The following TCF7L2 variants were observed in gnomAD, a reference collection of about 807,000 sequenced individuals.
TCF7L2 encodes the protein transcription factor 7 like 2.
In TCF7L2, 23 loss-of-function variants were observed where a neutral mutation model predicts 77.9. The observed-to-expected ratio is 0.30, with a 90% CI of 0.21 to 0.42. The LOEUF (loss-of-function observed/expected upper bound fraction) is 0.42, where lower values mean the gene tolerates loss of function less well. Ranked by LOEUF, TCF7L2 falls within the 10% of genes least tolerant of loss-of-function variation. TCF7L2 has a pLI of 1.00. For missense variants in TCF7L2, 654 were observed against 793.1 expected, an observed-to-expected ratio of 0.82 and a Z score of 2.11; for synonymous variants, 413 against 340.2, an observed-to-expected ratio of 1.21 and a Z score of -2.36.
chr10:113,020,203 T>C (rs149782739), intron 4 of TCF7L2, among the ~76,000 whole-genome samples: 3 of 152,210 alleles, frequency 2.0e-5, no homozygotes, highest in African/African-American at 7.2e-5. Context: ...CTTAGGGTCC[T>C]TGTTGTCCAG....
chr10:112,958,717 G>T (rs2034316238), intron 3 of TCF7L2, among the ~76,000 whole-genome samples: 1 of 152,120 alleles, frequency 6.6e-6, no homozygotes, highest in Non-Finnish European at 1.5e-5. Flanking sequence ...AAATTGAGAG[G>T]ATTTGTGTGG....
chr10:113,101,964 C>T (rs770816042), intron 5 of TCF7L2, among the ~76,000 whole-genome samples: 18 of 150,628 alleles, frequency 1.2e-4, no homozygotes, highest in Non-Finnish European at 2.4e-4. Context: ...CATAGTGAAA[C>T]CCCATCTCTA....
intron 5 of TCF7L2, among the ~76,000 whole-genome samples, chr10:113,098,049 CAAAAAAAAAAAAA>C (rs34632183): frequency 1.3e-4 from 8 of 59,372 alleles, no homozygotes; most frequent in East Asian, 5.7e-4. Flanking sequence ...GACTCTGTCT[CAAAAAAAAAAAAA>C]AAAAAAAAAA....
At chr10:113,100,406 C>T (rs564958150) in intron 5 of TCF7L2, among the ~76,000 whole-genome samples, 7 of 152,274 alleles carry the variant, frequency 4.6e-5, no homozygotes, top group Admixed American at 3.3e-4. Flanking sequence ...ATCAGCTCTG[C>T]TCTGAATGTG....
chr10:113,146,548 C>T lies in TCF7L2; in HGVS notation c.875+451C>T, dbSNP rs150514811. Among the ~76,000 whole-genome samples, 587 of 151,900 alleles carry T rather than the reference C, an allele frequency of 3.9e-3. 3 individuals carry two copies. Among genetic ancestry groups the T allele is most frequent in the Admixed American group, 5.8e-3 (89 of 15,272 alleles). On this transcript the variant is annotated intron_variant, in intron 8 of 13. Transcript: ENST00000627217. ...CTCCTCCCCTCGAAGGTAGCACTGTCCAATAGAAATATAGTGTGAGCCACA... is the reference window on the plus strand; with the variant it reads ...CTCCTCCCCTCGAAGGTAGCACTGTTCAATAGAAATATAGTGTGAGCCACA...
At chr10:113,158,862 T>C (rs1168939700) in intron 12 of TCF7L2, 145 bp downstream of exon 13, 4 of 778,022 alleles carry the variant, frequency 5.1e-6, no homozygotes, top group Non-Finnish European at 7.8e-6. Context: ...TATGTTTCAG[T>C]AGATTTTTTT....
At chr10:113,098,192 T>C (rs1055590869) in intron 5 of TCF7L2, among the ~76,000 whole-genome samples, 1 of 152,020 alleles carries the variant, frequency 6.6e-6, no homozygotes, top group Non-Finnish European at 1.5e-5. Flanking sequence ...ACCCTTGTGA[T>C]GTAATGATAT....
chr10:113,157,808 T>G (rs1324903262), intron 11 of TCF7L2: 2 of 520,616 alleles, frequency 3.8e-6, no homozygotes, highest in Non-Finnish European at 6.9e-6. Context: ...ATCCCTTCTC[T>G]GCTCCCAAGA....
At chr10:113,161,528 T>A in intron 13 of TCF7L2, 1 of 1,533,968 alleles carries the variant, frequency 6.5e-7, no homozygotes, top group Non-Finnish European at 8.7e-7. Context: ...TTCCTTTCTT[T>A]AATGACCACC....
chr10:113,013,304 A>T (rs929449271), intron 4 of TCF7L2, among the ~76,000 whole-genome samples: 1 of 152,026 alleles, frequency 6.6e-6, no homozygotes, highest in Admixed American at 6.5e-5. Context: ...TTTTTAGTAG[A>T]GATGGGGTTT....
intron 5 of TCF7L2, among the ~76,000 whole-genome samples, chr10:113,060,474 G>C (rs758875211): frequency 8.5e-5 from 13 of 152,062 alleles, no homozygotes; most frequent in African/African-American, 1.2e-4. Context: ...TTAATAAATG[G>C]GGGGGTCAGG....
At chr10:112,956,194 TC>T (rs1564706281) in intron 3 of TCF7L2, among the ~76,000 whole-genome samples, 1 of 152,008 alleles carries the variant, frequency 6.6e-6, no homozygotes, top group East Asian at 1.9e-4. Flanking sequence ...CGAGGACCTT[TC>T]CCCCAGCTGT....
intron 5 of TCF7L2, among the ~76,000 whole-genome samples, chr10:113,069,681 C>T (rs2057706539): frequency 6.6e-6 from 1 of 152,108 alleles, no homozygotes; most frequent in South Asian, 2.1e-4. Context: ...GGCCTTCTGC[C>T]CATTCAGAGA....
At chr10:113,124,836 C>A (rs934132442) in intron 5 of TCF7L2, among the ~76,000 whole-genome samples, 1 of 151,852 alleles carries the variant, frequency 6.6e-6, no homozygotes, top group Admixed American at 6.6e-5. Flanking sequence ...ACTTCCATTT[C>A]AACTTTGCGG....
chr10:113,145,811 C>T (rs1021608717), intron 7 of TCF7L2, among the ~76,000 whole-genome samples, 200 bp from the exon 8 acceptor site: 1 of 152,170 alleles, frequency 6.6e-6, no homozygotes, highest in Non-Finnish European at 1.5e-5. Flanking sequence ...ATTTAATTAG[C>T]CATTCCTATC....
At chr10:113,083,098 A>G (rs2059470461) in intron 5 of TCF7L2, among the ~76,000 whole-genome samples, 1 of 152,038 alleles carries the variant, frequency 6.6e-6, no homozygotes, top group African/African-American at 2.4e-5. Context: ...TCATTTCTGC[A>G]TGCCTTGAGT....
Position 113,144,006 on chromosome 10 carries a change from C to A in TCF7L2, c.769C>A (p.Leu257Ile), listed in dbSNP as rs756550117. 2 of 1,613,364 alleles carry A rather than the reference C, an allele frequency of 1.2e-6. No individual in the cohort carries two copies. The highest frequency in any genetic ancestry group is 1.7e-6 in the Non-Finnish European group (2 of 1,179,320). Reference sequence around the variant, plus strand: ...CACCGTAGGACAAATCCCCCATCCGCTAGGATGGTTAGTACCACAGTAAGG... The same window carrying A: ...CACCGTAGGACAAATCCCCCATCCGATAGGATGGTTAGTACCACAGTAAGG... Residue 257 changes from leucine (L) to isoleucine (I), a missense_variant, in exon 7 of 14, where the codon CTA becomes ATA. By Grantham distance (5) the Leu-to-Ile change is conservative. Coordinates refer to ENST00000627217, the MANE Select transcript of TCF7L2 (RefSeq NM_001146274.2).
chr10:113,130,737 G>A, intron 5 of TCF7L2, among the ~76,000 whole-genome samples: 1 of 151,048 alleles, frequency 6.6e-6, no homozygotes, highest in African/African-American at 2.4e-5. Flanking sequence ...ACTGTGTGGT[G>A]ATATCTTTTT....
At chr10:113,007,331 C>A (rs2045737021) in intron 4 of TCF7L2, among the ~76,000 whole-genome samples, 2 of 152,346 alleles carry the variant, frequency 1.3e-5, no homozygotes, top group South Asian at 4.1e-4. Context: ...CCTCCATCCC[C>A]TGCCCCCTGC....
Sources: allele counts gnomAD v4.1 joint callset (sites outside exome capture counted in the v4.1 genomes callset), GRCh38; gene constraint gnomAD v4.1.1; transcripts MANE v1.5; gene names NCBI Gene and HGNC (gene_info 2026-07-23, HGNC 2026-07-21).